SRRM1: variants seen among roughly 807,000 people sequenced by gnomAD.
SRRM1 encodes serine and arginine repetitive matrix 1, also known as serine/arginine repetitive matrix protein 1.
Under a neutral mutation model 110.2 loss-of-function variants are expected in SRRM1, and 19 were observed. The ratio of observed to expected loss-of-function variants is 0.17; its 90% CI spans 0.12 to 0.25. The LOEUF is 0.25. Among genes scored for constraint, SRRM1 ranks in the 10% least tolerant of loss-of-function variants. The probability of loss-of-function intolerance (pLI) is 1.00; values close to 1 mark genes in which losing one functional copy is unlikely to be tolerated. For missense variants in SRRM1, 918 were observed against 1,145.8 expected (o/e 0.80, Z 2.87); for synonymous variants, 443 against 414.9 (o/e 1.07, Z -0.82).
chr1:24,661,869 C>T (rs751783902), intron 11 of SRRM1, among the ~76,000 whole-genome samples: 5 of 152,102 alleles, frequency 3.3e-5, no homozygotes, highest in African/African-American at 9.7e-5. Flanking sequence ...GTGAGCAGGC[C>T]GAGATCAGGA....
chr1:24,655,254 T>A, intron 9 of SRRM1, 125 bp downstream of exon 9: 4 of 1,107,686 alleles, frequency 3.6e-6, no homozygotes, highest in Non-Finnish European at 5.1e-6. Flanking sequence ...TAATACTCTC[T>A]GTAGGTTTAC....
At chr1:24,668,906 T>C (rs1671373575) in intron 13 of SRRM1, among the ~76,000 whole-genome samples, 1 of 152,200 alleles carries the variant, frequency 6.6e-6, no homozygotes, top group African/African-American at 2.4e-5. Context: ...TTTTCTTTTT[T>C]GTACTTAGTC....
intron 13 of SRRM1, 85 bp downstream of exon 13, chr1:24,667,010 C>T: frequency 1.2e-6 from 1 of 810,376 alleles, no homozygotes; most frequent in East Asian, 2.7e-5. Context: ...TGCTCACTTC[C>T]TAACAAGGTT....
At chr1:24,652,060 A>C (rs918960452) in intron 6 of SRRM1, among the ~76,000 whole-genome samples, 1 of 135,156 alleles carries the variant, frequency 7.4e-6, no homozygotes, top group Non-Finnish European at 1.6e-5. Flanking sequence ...ATATATATAT[A>C]TATGTACACA....
chr1:24,661,955 G>A (rs1234103831), intron 11 of SRRM1, among the ~76,000 whole-genome samples: 3 of 151,962 alleles, frequency 2.0e-5, no homozygotes, highest in Non-Finnish European at 2.9e-5. Flanking sequence ...GCATAGTGGC[G>A]CACACCTGTA....
At chr1:24,662,997 G>C (rs1212748003) in intron 12 of SRRM1, 193 bp downstream of exon 12, 9 of 970,188 alleles carry the variant, frequency 9.3e-6, no homozygotes, top group Non-Finnish European at 1.3e-5. Context: ...ATTTAGAATT[G>C]GTAAATTTTA....
chr1:24,647,251 AAACAC>A (rs1232256770), intron 3 of SRRM1: 1 of 153,194 alleles, frequency 6.5e-6, no homozygotes, highest in African/African-American at 2.4e-5. Flanking sequence ...CAACAACAAA[AAACAC>A]AAACAGGAAA....
At chr1:24,661,550 C>G (rs1398353383) in intron 11 of SRRM1, among the ~76,000 whole-genome samples, 154 bp downstream of exon 11, 1 of 152,008 alleles carries the variant, frequency 6.6e-6, no homozygotes, top group African/African-American at 2.4e-5. Context: ...GTTTTAAGTC[C>G]TTTTGCAAAA....
chr1:24,644,952 A>G (rs535903705), intron 1 of SRRM1, among the ~76,000 whole-genome samples: 2 of 152,322 alleles, frequency 1.3e-5, no homozygotes, highest in African/African-American at 4.8e-5. Context: ...CACAGCCTAC[A>G]ATTGCTTAAA....
intron 1 of SRRM1, 83 bp downstream of exon 1, chr1:24,643,430 G>A: frequency 8.0e-7 from 1 of 1,256,990 alleles, no homozygotes; most frequent in Middle Eastern, 2.0e-4. Flanking sequence ...GGCACAGGGT[G>A]GCCAGCGAGG....
At chr1:24,665,584 G>C (rs943283812) in intron 12 of SRRM1, among the ~76,000 whole-genome samples, 2 of 149,352 alleles carry the variant, frequency 1.3e-5, no homozygotes, top group African/African-American at 5.0e-5. Flanking sequence ...GTGGTGGCGG[G>C]CACCTGTAGT....
chr1:24,660,838 G>T, intron 10 of SRRM1, 39 bp downstream of exon 10: 1 of 1,442,404 alleles, frequency 6.9e-7, no homozygotes, highest in East Asian at 2.3e-5. Context: ...TGGTTTGTTT[G>T]TTTTTGTTTT....
chr1:24,662,954 T>C, intron 12 of SRRM1, 150 bp downstream of exon 12: 2 of 1,174,842 alleles, frequency 1.7e-6, no homozygotes, highest in Non-Finnish European at 2.4e-6. Context: ...TGTTTTGTTT[T>C]GTTTTTGCTT....
At chr1:24,665,669 T>C (rs1366980167) in intron 12 of SRRM1, among the ~76,000 whole-genome samples, 1 of 152,162 alleles carries the variant, frequency 6.6e-6, no homozygotes, top group Non-Finnish European at 1.5e-5. Context: ...GCCCAGATCG[T>C]GCCAGTGCAC....
At chr1:24,649,945 G>A (rs1659676960) in intron 4 of SRRM1, 26 bp from the exon 5 acceptor site, 3 of 1,534,292 alleles carry the variant, frequency 2.0e-6, no homozygotes, top group Non-Finnish European at 2.6e-6. Flanking sequence ...TCAACTATGT[G>A]TATTTTGAAA....
At position 24,673,067 on chromosome 1, in the gene SRRM1, T is replaced by G. The variant is rs574103659; in HGVS notation, c.*781T>G. ...GTTTAATGAAATGTCATGGCTCTGT[T>G]CATATTTTTGTCTTGTTCTTCCAAT... is the stretch of plus-strand genomic sequence containing the variant. On this transcript the variant is annotated 3_prime_UTR_variant, in exon 17 of 17. Coordinates refer to ENST00000323848, the MANE Select transcript of SRRM1 (RefSeq NM_005839.4). 6.6e-6 allele frequency: 1 copy of G among 152,360 alleles called. No individual in the cohort carries two copies. The highest frequency in any genetic ancestry group is 2.4e-5 in the African/African-American group (1 of 41,582). The allele number at this position is 152,360 out of a possible 1,614,324, so 9.4% of individuals were successfully genotyped here. A position where few individuals can be genotyped will look rare whatever the true frequency, so the allele number is the denominator to read the frequency against.
At position 24,654,840 on chromosome 1, in the gene SRRM1, T is replaced by A; in HGVS notation, c.1041-15T>A. 2 of 1,613,652 alleles carry A rather than the reference T, an allele frequency of 1.2e-6. No homozygotes were observed. Among genetic ancestry groups the A allele is most frequent in the Non-Finnish European group, 1.7e-6 (2 of 1,179,656 alleles). On this transcript the variant is annotated splice_polypyrimidine_tract_variant and intron_variant, in intron 8 of 16. Transcript: ENST00000323848. ...TAAGTGTGCAATTAGTGAATATGAA[T>A]ACTTTATTCCACAGAAGAAGACGTT...
intron 2 of SRRM1, 89 bp downstream of exon 2, chr1:24,646,162 T>G: frequency 1.1e-6 from 1 of 948,642 alleles, no homozygotes; most frequent in Non-Finnish European, 1.7e-6. Context: ...CATTGTAACT[T>G]GAATGCTAAG....
intron 3 of SRRM1, 127 bp from the exon 4 acceptor site, chr1:24,648,732 A>G: frequency 2.7e-6 from 2 of 727,522 alleles, no homozygotes; most frequent in South Asian, 1.9e-5. Flanking sequence ...AGTAAGGACT[A>G]TATATATGTC....
Sources: gnomAD v4.1 joint callset for allele counts (sites outside exome capture counted in the v4.1 genomes callset) on GRCh38, gnomAD v4.1.1 for gene constraint, MANE v1.5 for transcripts, NCBI Gene and HGNC (gene_info 2026-07-23, HGNC 2026-07-21) for gene names.